LMO7: variants seen among roughly 807,000 people sequenced by gnomAD.
LMO7 encodes LIM domain 7.
LMO7 carries 120 observed loss-of-function variants against 206.5 expected under a neutral mutation model. The observed-to-expected ratio is 0.58, with a 90% CI of 0.50 to 0.68. The LOEUF is 0.68. Among genes scored for constraint, LMO7 ranks in the 30% least tolerant of loss-of-function variants. The pLI, the probability that LMO7 is intolerant of heterozygous loss-of-function variation, is 0.00. For synonymous variants in LMO7, 706 were observed against 681.5 expected (o/e 1.04, Z -0.56); for missense variants, 1,959 against 1,957.9 (o/e 1.00, Z -0.01).
At chr13:75,737,009 A>T (rs574691689) in intron 3 of LMO7, among the ~76,000 whole-genome samples, 2 of 152,202 alleles carry the variant, frequency 1.3e-5, no homozygotes, top group Non-Finnish European at 2.9e-5. Flanking sequence ...TGTTCCCCCC[A>T]ACCCCAAAAT....
chr13:75,643,516 T>C (rs1327876925), intron 1 of LMO7, among the ~76,000 whole-genome samples: 1 of 152,218 alleles, frequency 6.6e-6, no homozygotes, highest in African/African-American at 2.4e-5. Flanking sequence ...GGTTGGCCTA[T>C]TTAATTGATG....
At chr13:75,777,747 G>A (rs2050714167) in intron 4 of LMO7, among the ~76,000 whole-genome samples, 1 of 149,550 alleles carries the variant, frequency 6.7e-6, no homozygotes, top group Non-Finnish European at 1.5e-5. Flanking sequence ...CCGGGTTCAT[G>A]CCATTTCCCT....
chr13:75,730,056 C>A (rs1405185732), intron 3 of LMO7, among the ~76,000 whole-genome samples: 1 of 151,342 alleles, frequency 6.6e-6, no homozygotes, highest in Non-Finnish European at 1.5e-5. Flanking sequence ...ATTTTTGCAT[C>A]AACGTTCATC....
chr13:75,755,869 T>C (rs1314521103), intron 3 of LMO7, among the ~76,000 whole-genome samples: 1 of 152,164 alleles, frequency 6.6e-6, no homozygotes, highest in Non-Finnish European at 1.5e-5. Context: ...CTACAGAGTG[T>C]TGAAGTGATG....
At chr13:75,731,782 C>T (rs1404877539) in intron 3 of LMO7, among the ~76,000 whole-genome samples, 2 of 152,040 alleles carry the variant, frequency 1.3e-5, no homozygotes, top group Non-Finnish European at 2.9e-5. Context: ...TGTTCCTTTC[C>T]ATGTTTAGCG....
At position 75,858,222 on chromosome 13, in the gene LMO7, T is replaced by C. The variant is rs2061116982; in HGVS notation, c.*279T>C. On this transcript the variant is annotated 3_prime_UTR_variant, in exon 31 of 31. Coordinates refer to ENST00000377534, the MANE Select transcript of LMO7 (RefSeq NM_001306080.2). ...AAGGGAAAAAATAAGAACCTACGAA[T>C]ATTTTTGAGGCAGATAATGATCTAG... is the stretch of plus-strand genomic sequence containing the variant. The C allele has an allele frequency of 1.2e-5, 4 of 346,692 alleles. No homozygotes were observed. In the Admixed American group the frequency reaches 1.4e-4, roughly 12 times the overall value. The allele number at this position is 346,692 out of a possible 1,614,324, so 21.5% of individuals were successfully genotyped here. A position where few individuals can be genotyped will look rare whatever the true frequency, so the allele number is the denominator to read the frequency against.
chr13:75,716,953 GGTGT>G (rs903975607), intron 2 of LMO7, among the ~76,000 whole-genome samples: 58 of 150,246 alleles, frequency 3.9e-4, no homozygotes, highest in Middle Eastern at 6.9e-3. Flanking sequence ...AGTCTGATTG[GGTGT>G]GTCAGTGGTT....
chr13:75,746,624 T>TA (rs1188647910), intron 3 of LMO7, among the ~76,000 whole-genome samples: 1 of 152,246 alleles, frequency 6.6e-6, no homozygotes, highest in South Asian at 2.1e-4. Context: ...TGCATTCCCC[T>TA]AAAGCGACCA....
intron 23 of LMO7, 88 bp downstream of exon 23, chr13:75,841,289 C>T: frequency 2.5e-6 from 2 of 791,748 alleles, no homozygotes; most frequent in South Asian, 3.5e-5. Flanking sequence ...TCATTTTTCT[C>T]CACCTTTGAC....
upstream of LMO7, among the ~76,000 whole-genome samples, chr13:75,635,653 C>A (rs2281763): frequency 0.19 from 29,279 of 152,138 alleles, 3,552 homozygotes; most frequent in Admixed American, 0.34. Context: ...AGCCGCGAGC[C>A]GGGGTGGAGG....
intron 2 of LMO7, among the ~76,000 whole-genome samples, chr13:75,629,168 T>C (rs1177250258): frequency 6.6e-6 from 1 of 152,202 alleles, no homozygotes; most frequent in African/African-American, 2.4e-5. Context: ...TGCCTTTCTG[T>C]TGAGAGACCC....
At chr13:75,830,819 A>G (rs2058590183) in intron 15 of LMO7, among the ~76,000 whole-genome samples, 2 of 152,188 alleles carry the variant, frequency 1.3e-5, no homozygotes, top group South Asian at 2.1e-4. Flanking sequence ...TTCACTTGCC[A>G]TCTCCCACAA....
chr13:75,695,327 G>T (rs9573617), intron 1 of LMO7, among the ~76,000 whole-genome samples: 6,088 of 152,232 alleles, frequency 0.04, 208 homozygotes, highest in African/African-American at 0.08. Flanking sequence ...TCTGTGTCAG[G>T]ATTTTTTCTC....
intron 12 of LMO7, among the ~76,000 whole-genome samples, chr13:75,818,701 G>A (rs1209117927): frequency 6.6e-6 from 1 of 152,120 alleles, no homozygotes; most frequent in Non-Finnish European, 1.5e-5. Flanking sequence ...TTCTGAAATT[G>A]CATACTCAAG....
At chr13:75,676,055 G>C (rs192993219) in intron 1 of LMO7, among the ~76,000 whole-genome samples, 1 of 152,264 alleles carries the variant, frequency 6.6e-6, no homozygotes, top group East Asian at 1.9e-4. Context: ...TGTGTATTTA[G>C]GATGTTAGAT....
chr13:75,683,001 A>G (rs2040671874), intron 1 of LMO7, among the ~76,000 whole-genome samples: 1 of 151,562 alleles, frequency 6.6e-6, no homozygotes, highest in Admixed American at 6.6e-5. Context: ...TATTTTCTAG[A>G]TACAAGTCTT....
At chr13:75,693,163 A>G (rs1208233435) in intron 1 of LMO7, among the ~76,000 whole-genome samples, 1 of 152,208 alleles carries the variant, frequency 6.6e-6, no homozygotes, top group Non-Finnish European at 1.5e-5. Context: ...AGTTAATACA[A>G]TGGCCTGGAA....
chr13:75,625,132 C>T (rs1440395076), intron 2 of LMO7, among the ~76,000 whole-genome samples: 2 of 152,134 alleles, frequency 1.3e-5, no homozygotes, highest in Non-Finnish European at 2.9e-5. Context: ...CTCCCAAGGT[C>T]AAACAGTTAT....
Position 75,804,449 on chromosome 13 carries a change from A to G in LMO7, c.822A>G (p.Ala274=). ...GTAGACAGCCATCCTATGTACCAGC[A>G]CCTCTGAGAAAGAAAAAGCCAGACA... ...NKSRQPSYVP[A]PLRKKKPDKH... Residue 274 remains alanine (A), a synonymous_variant, in exon 8 of 31, where the codon GCA becomes GCG. Coordinates refer to ENST00000377534, the MANE Select transcript of LMO7 (RefSeq NM_001306080.2). 1 of 1,614,194 alleles carries G rather than the reference A, an allele frequency of 6.2e-7. No individual in the cohort carries two copies. The highest frequency in any genetic ancestry group is 8.5e-7 in the Non-Finnish European group (1 of 1,180,010).
Sources: gnomAD v4.1 joint callset for allele counts (sites outside exome capture counted in the v4.1 genomes callset) on GRCh38, gnomAD v4.1.1 for gene constraint, MANE v1.5 for transcripts, NCBI Gene and HGNC (gene_info 2026-07-23, HGNC 2026-07-21) for gene names.